DNAH7: variants seen among roughly 807,000 people sequenced by gnomAD.
DNAH7 encodes dynein axonemal heavy chain 7, also known as axonemal beta dynein heavy chain 7.
In DNAH7, 397 loss-of-function variants were observed where a neutral mutation model predicts 444.6. The ratio of observed to expected loss-of-function variants is 0.89; its 90% CI spans 0.82 to 0.97. DNAH7 has a LOEUF of 0.97. DNAH7 is among the 50% of genes least tolerant of loss of function. The pLI is 0.00. For missense variants in DNAH7, 4,902 were observed against 4,800.8 expected, an observed-to-expected ratio of 1.02 and a Z score of -0.62; for synonymous variants, 1,636 against 1,624.4, an observed-to-expected ratio of 1.01 and a Z score of -0.17.
intron 61 of DNAH7, among the ~76,000 whole-genome samples, chr2:195,766,544 G>C (rs1694597542): frequency 6.6e-6 from 1 of 152,032 alleles, no homozygotes; most frequent in Non-Finnish European, 1.5e-5. Flanking sequence ...GTTGGGTAGA[G>C]TAGTGGTAGG....
chr2:195,958,552 T>G (rs1316204531), intron 18 of DNAH7, among the ~76,000 whole-genome samples: 1 of 152,160 alleles, frequency 6.6e-6, no homozygotes, highest in Non-Finnish European at 1.5e-5. Flanking sequence ...TGTATTTCAA[T>G]TTATAAGATG....
intron 42 of DNAH7, among the ~76,000 whole-genome samples, chr2:195,859,463 A>T (rs891931211): frequency 2.6e-5 from 4 of 151,824 alleles, no homozygotes; most frequent in African/African-American, 9.7e-5. Flanking sequence ...TTTATCTGCA[A>T]ATATATATAT....
intron 63 of DNAH7, among the ~76,000 whole-genome samples, chr2:195,746,314 T>A (rs1693399463): frequency 6.6e-6 from 1 of 152,090 alleles, no homozygotes; most frequent in Non-Finnish European, 1.5e-5. Flanking sequence ...TAAATATATA[T>A]GCACCCAATA....
At chr2:195,792,892 G>A (rs1227102598) in intron 57 of DNAH7, among the ~76,000 whole-genome samples, 1 of 151,858 alleles carries the variant, frequency 6.6e-6, no homozygotes, top group African/African-American at 2.4e-5. Flanking sequence ...ATGAATATGG[G>A]TAAAAAGGTG....
chr2:195,956,511 C>T (rs1252818010), intron 19 of DNAH7, among the ~76,000 whole-genome samples: 2 of 152,030 alleles, frequency 1.3e-5, no homozygotes, highest in Non-Finnish European at 2.9e-5. Flanking sequence ...ATTAGCTGGG[C>T]ATGGTGGCAC....
chr2:195,821,738 G>A (rs1337942669), intron 49 of DNAH7, among the ~76,000 whole-genome samples: 1 of 152,182 alleles, frequency 6.6e-6, no homozygotes, highest in Non-Finnish European at 1.5e-5. Flanking sequence ...AGCCAACTTG[G>A]TGGATTAGCA....
At chr2:195,739,756 C>T (rs558874378) in intron 64 of DNAH7, among the ~76,000 whole-genome samples, 4 of 152,294 alleles carry the variant, frequency 2.6e-5, no homozygotes, top group South Asian at 2.1e-4. Flanking sequence ...GCAGCATTGT[C>T]ACGCTCCTTG....
At chr2:195,922,830 T>C (rs1261051380) in intron 23 of DNAH7, among the ~76,000 whole-genome samples, 1 of 152,042 alleles carries the variant, frequency 6.6e-6, no homozygotes, top group Non-Finnish European at 1.5e-5. Context: ...GTAAAAACCA[T>C]GTTTCTGGCT....
intron 48 of DNAH7, among the ~76,000 whole-genome samples, chr2:195,833,904 G>A (rs192884847): frequency 4.6e-5 from 7 of 152,052 alleles, no homozygotes; most frequent in South Asian, 2.1e-4. Flanking sequence ...ACAGGCACCC[G>A]CCAGCACACC....
In DNAH7 at chr2:196,024,326, T is replaced by C. The variant is rs1027981214; in HGVS notation, c.743+103A>G. ...ACATACATACACACATATACATTTATATATAAATTATAAACATACATTTGA... is the reference window on the plus strand; with the variant it reads ...ACATACATACACACATATACATTTACATATAAATTATAAACATACATTTGA... On this transcript the variant is annotated intron_variant, in intron 8 of 64. Transcript: ENST00000312428. The C allele has an allele frequency of 8.5e-6, 6 of 709,914 alleles. 1 individual carries two copies. The highest frequency in any genetic ancestry group is 2.9e-5 in the South Asian group (1 of 34,714). The allele number at this position is 709,914 out of a possible 1,614,324, so 44.0% of individuals were successfully genotyped here. A position where few individuals can be genotyped will look rare whatever the true frequency, so the allele number is the denominator to read the frequency against.
At chr2:195,981,209 C>A (rs1191397438) in intron 15 of DNAH7, among the ~76,000 whole-genome samples, 1 of 151,834 alleles carries the variant, frequency 6.6e-6, no homozygotes, top group South Asian at 2.1e-4. Flanking sequence ...GTGGGACAAT[C>A]TGAAAAAGAA....
At chr2:195,984,426 CA>C (rs1280301416) in intron 15 of DNAH7, among the ~76,000 whole-genome samples, 1 of 152,096 alleles carries the variant, frequency 6.6e-6, no homozygotes, top group African/African-American at 2.4e-5. Context: ...CGACTCATTG[CA>C]ACCTCTGCCT....
chr2:196,033,609 T>C (rs969007897), intron 5 of DNAH7, among the ~76,000 whole-genome samples: 2 of 152,172 alleles, frequency 1.3e-5, no homozygotes, highest in Non-Finnish European at 2.9e-5. Flanking sequence ...CCATCCAAGT[T>C]AAATGATAAA....
chr2:195,778,635 AATAAAT>A (rs1695200284), intron 58 of DNAH7, among the ~76,000 whole-genome samples: 2 of 47,704 alleles, frequency 4.2e-5, no homozygotes, highest in Admixed American at 2.3e-4. Flanking sequence ...AAAAAAAATA[AATAAAT>A]AAATATATAT....
At chr2:195,748,218 G>C (rs1426942407) in intron 63 of DNAH7, among the ~76,000 whole-genome samples, 1 of 152,160 alleles carries the variant, frequency 6.6e-6, no homozygotes, top group East Asian at 1.9e-4. Flanking sequence ...CAAATCATGA[G>C]TGAACTCCCA....
chr2:195,851,954 A>G (rs1411099760), intron 46 of DNAH7, among the ~76,000 whole-genome samples: 1 of 152,146 alleles, frequency 6.6e-6, no homozygotes, highest in Non-Finnish European at 1.5e-5. Flanking sequence ...GATTTTAAAC[A>G]TTTAGTTAAA....
At chr2:196,045,372 G>A (rs1232184413) in intron 5 of DNAH7, among the ~76,000 whole-genome samples, 1 of 140,900 alleles carries the variant, frequency 7.1e-6, no homozygotes, top group Non-Finnish European at 1.5e-5. Flanking sequence ...AAAGGAGACA[G>A]AGAGAGACAA....
chr2:195,805,177 A>T (rs1223901280), intron 54 of DNAH7, among the ~76,000 whole-genome samples: 1 of 152,148 alleles, frequency 6.6e-6, no homozygotes, highest in Non-Finnish European at 1.5e-5. Context: ...CTGGGGGAAA[A>T]TATTTGCAGA....
chr2:195,866,070 G>A (rs115338834), intron 40 of DNAH7, among the ~76,000 whole-genome samples: 2,807 of 152,246 alleles, frequency 0.018, 77 homozygotes, highest in African/African-American at 0.063. Flanking sequence ...TGCATATTTC[G>A]TCAGTGGAAC....
Sources: allele counts gnomAD v4.1 joint callset (sites outside exome capture counted in the v4.1 genomes callset), GRCh38; gene constraint gnomAD v4.1.1; transcripts MANE v1.5; gene names NCBI Gene and HGNC (gene_info 2026-07-23, HGNC 2026-07-21).